ZNF274: variants seen among roughly 807,000 people sequenced by gnomAD.
ZNF274 encodes zinc finger protein 274, also known as neurotrophin receptor-interacting factor homolog.
ZNF274 carries 23 observed loss-of-function variants against 42.5 expected under a neutral mutation model. That is an observed-to-expected ratio of 0.54 (90% CI 0.39 to 0.77). The LOEUF (loss-of-function observed/expected upper bound fraction) is 0.77. ZNF274 is among the 30% of genes least tolerant of loss of function. The pLI is 0.00. For missense variants in ZNF274, 679 were observed against 806.5 expected, an observed-to-expected ratio of 0.84 and a Z score of 1.91; for synonymous variants, 292 against 305.4, an observed-to-expected ratio of 0.96 and a Z score of 0.46.
intron 4 of ZNF274, among the ~76,000 whole-genome samples, chr19:58,193,522 G>A (rs113652986): frequency 2.4e-4 from 33 of 138,432 alleles, no homozygotes; most frequent in African/African-American, 8.2e-4. Context: ...GTGCAATCTC[G>A]GCTCATTGCA....
intron 5 of ZNF274, chr19:58,209,131 C>G (rs535250088): frequency 6.6e-6 from 1 of 152,400 alleles, no homozygotes; most frequent in South Asian, 2.1e-4. Flanking sequence ...TGTCCTGTCC[C>G]TCATTCTTAC....
intron 4 of ZNF274, among the ~76,000 whole-genome samples, chr19:58,192,107 A>G (rs1022020510): frequency 1.9e-4 from 29 of 152,180 alleles, no homozygotes; most frequent in African/African-American, 6.8e-4. Flanking sequence ...CCGTGGACAT[A>G]TAGGATTGGT....
chr19:58,196,723 T>A (rs1218415462), intron 4 of ZNF274, among the ~76,000 whole-genome samples: 1 of 152,184 alleles, frequency 6.6e-6, no homozygotes, highest in Non-Finnish European at 1.5e-5. Context: ...TATAGAGTGA[T>A]CAACAGCATA....
At chr19:58,185,652 T>A (rs562619518) in intron 2 of ZNF274, 60 bp from the exon 3 acceptor site, 22 of 1,379,800 alleles carry the variant, frequency 1.6e-5, no homozygotes, top group African/African-American at 3.0e-5. Flanking sequence ...CAGCCTCCCC[T>A]GTCTTTCTTT....
Position 58,185,737 on chromosome 19 carries a change from C to T in ZNF274, c.59C>T (p.Thr20Ile), listed in dbSNP as rs2075689681. Residue 20 changes from threonine (T) to isoleucine (I), a missense_variant, in exon 3 of 8, where the codon ACA (threonine) becomes ATA (isoleucine). Thr to Ile is a moderately conservative substitution (Grantham distance 89, BLOSUM62 -1). Around this residue, in one of 2 missense-constraint regions of ZNF274, gnomAD observed 223 missense variants for 216.4 expected, o/e 1.03. Transcript: ENST00000617501. ...SCEPVTFEDV[T>I]LGFTPEEWGL... ...GAACCAGTGACCTTTGAAGATGTAA[C>T]ACTGGGTTTTACCCCGGAAGAGTGG... is the stretch of plus-strand genomic sequence containing the variant. The T allele has an allele frequency of 6.8e-7, 1 of 1,466,614 alleles. No homozygotes were observed. Among genetic ancestry groups the T allele is most frequent in the African/African-American group, 1.5e-5 (1 of 68,910 alleles). The allele number at this position is 1,466,614 out of a possible 1,614,324, so 90.9% of individuals were successfully genotyped here.
chr19:58,203,938 G>T (rs1261566441), intron 4 of ZNF274, among the ~76,000 whole-genome samples: 1 of 152,254 alleles, frequency 6.6e-6, no homozygotes. Flanking sequence ...GACGGCCTGG[G>T]CTGCGAGAAG....
At chr19:58,203,913 C>T (rs2075947966) in intron 4 of ZNF274, among the ~76,000 whole-genome samples, 1 of 152,234 alleles carries the variant, frequency 6.6e-6, no homozygotes, top group African/African-American at 2.4e-5. Flanking sequence ...TACAATTGCG[C>T]CACCTCGCTG....
rs1306275946 is a variant in ZNF274, at chr19:58,207,189, G to A, written c.726G>A (p.Met242Ile). Residue 242 changes from methionine (M) to isoleucine (I), a missense_variant, in exon 5 of 8, where the codon ATG (methionine) becomes ATA (isoleucine). Coordinates refer to ENST00000617501, the MANE Select transcript of ZNF274 (RefSeq NM_133502.3). The surrounding 1 kb of genome is among the most constrained non-coding windows in gnomAD (Gnocchi z 5.6). ...CCCTGGTAGAGGGTGTGACCTGGAT[G>A]TCTGAGGAGGAAGGTAAGTAGAAGG... ...VVALVEGVTW[M>I]SEEEVLPAGQ... The A allele has an allele frequency of 1.9e-6, 3 of 1,611,146 alleles. No homozygotes were observed. The highest frequency in any genetic ancestry group is 1.7e-5 in the Admixed American group (1 of 59,732).
chr19:58,194,736 GGTGGCTGAT>G (rs1418086298), intron 4 of ZNF274, among the ~76,000 whole-genome samples: 1 of 139,722 alleles, frequency 7.2e-6, no homozygotes, highest in Non-Finnish European at 1.6e-5. Context: ...GGCCGGGCGC[GGTGGCTGAT>G]GTCTATAATG....
In ZNF274 at chr19:58,212,707, G is replaced by A. The variant is rs1343092318; in HGVS notation, c.1526G>A (p.Cys509Tyr). 6.2e-7 allele frequency: 1 copy of A among 1,614,010 alleles called. No homozygotes were observed. The highest frequency in any genetic ancestry group is 8.5e-7 in the Non-Finnish European group (1 of 1,179,884). Residue 509 changes from cysteine to tyrosine, a missense_variant, in exon 8 of 8, where the codon TGC becomes TAC. Cys to Tyr is a radical substitution (Grantham distance 194). Around this residue, in one of 2 missense-constraint regions of ZNF274, gnomAD observed 456 missense variants for 590.1 expected, o/e 0.77. Transcript: ENST00000617501. The surrounding 1 kb of genome is among the most constrained non-coding windows in gnomAD (Gnocchi z 4.6). ...CACAAGGGGAGCCAAGTTTGCCGAT[G>A]CAGTGAATGTGGTAAAATATTCCGG... ...RIHKGSQVCRCSECGKIFRNP... is the reference protein window; with the variant it reads ...RIHKGSQVCRYSECGKIFRNP...
chr19:58,186,984 A>G lies in ZNF274; in HGVS notation c.198A>G (p.Leu66=), dbSNP rs1348904021. 8 of 1,613,660 alleles carry G rather than the reference A, an allele frequency of 5.0e-6. No homozygotes were observed. In the Admixed American group the frequency reaches 1.3e-4, roughly 27 times the overall value. ...QLSKPDVVSQ[L]EEAEDFWPVE... is the part of the protein sequence containing the mutation. Reference sequence around the variant, plus strand: ...CCAAACCAGATGTGGTATCTCAGTTAGAGGAGGCAGAAGATTTCTGGCCAG... The same window carrying G: ...CCAAACCAGATGTGGTATCTCAGTTGGAGGAGGCAGAAGATTTCTGGCCAG... Residue 66 remains leucine (L), a synonymous_variant, in exon 4 of 8, where the codon TTA becomes TTG. Transcript: ENST00000617501.
At chr19:58,197,969 T>G (rs2146216837) in intron 4 of ZNF274, among the ~76,000 whole-genome samples, 1 of 152,350 alleles carries the variant, frequency 6.6e-6, no homozygotes, top group Non-Finnish European at 1.5e-5. Context: ...GTTCTAGGGC[T>G]TGTACTCAGG....
At chr19:58,185,939 G>T (rs2075692805) in intron 3 of ZNF274, 101 bp downstream of exon 3, 6 of 1,117,110 alleles carry the variant, frequency 5.4e-6, no homozygotes, top group Non-Finnish European at 5.9e-6. Flanking sequence ...AGGGGCACCA[G>T]TAGGAAAAGG....
At chr19:58,199,670 A>G (rs900285422) in intron 4 of ZNF274, among the ~76,000 whole-genome samples, 28 of 152,262 alleles carry the variant, frequency 1.8e-4, no homozygotes, top group African/African-American at 6.5e-4. Context: ...CAGAGATCGC[A>G]CTACTGCAGT....
At chr19:58,209,827 A>G (rs2076019934) in intron 5 of ZNF274, 134 bp from the exon 6 acceptor site, 1 of 600,048 alleles carries the variant, frequency 1.7e-6, no homozygotes, top group African/African-American at 1.9e-5. Context: ...AAGGGAGGAC[A>G]GGAGCAGAGG....
chr19:58,192,995 T>C (rs1955854014), intron 4 of ZNF274, among the ~76,000 whole-genome samples: 1 of 152,190 alleles, frequency 6.6e-6, no homozygotes, highest in Admixed American at 6.5e-5. Context: ...TTTCCCAAAG[T>C]GCTGAGATTA....
chr19:58,212,174 A>G lies in ZNF274; in HGVS notation c.993A>G (p.Thr331=). Residue 331 remains threonine (T), a synonymous_variant, in exon 8 of 8, where the codon ACA becomes ACG. Coordinates refer to ENST00000617501, the MANE Select transcript of ZNF274 (RefSeq NM_133502.3). The surrounding 1 kb of genome is among the most constrained non-coding windows in gnomAD (Gnocchi z 4.6). The stretch of plus-strand genomic sequence containing the variant: ...TATTTTTTTCAGGGTGGGAGACTAC[A>G]CTGGAAAATAAAGAGTTAGCTCCAA... The part of the protein sequence containing the change: ...GHLVSVGWET[T]LENKELAPNS... The G allele has an allele frequency of 1.2e-6, 2 of 1,605,310 alleles. No individual in the cohort carries two copies. The highest frequency in any genetic ancestry group is 1.7e-6 in the Non-Finnish European group (2 of 1,178,824).
chr19:58,184,695 C>T (rs778232137), intron 2 of ZNF274: 1 of 152,204 alleles, frequency 6.6e-6, no homozygotes, highest in Admixed American at 6.6e-5. Context: ...GGATCCCTGA[C>T]AGGTGAAGGA....
At chr19:58,209,092 C>G (rs184094005) in intron 5 of ZNF274, 10 of 152,372 alleles carry the variant, frequency 6.6e-5, no homozygotes, top group Admixed American at 6.5e-4. Flanking sequence ...AGGGCTGGAC[C>G]CAGGAGCTCC....
Sources: gnomAD v4.1 joint callset for allele counts (sites outside exome capture counted in the v4.1 genomes callset) on GRCh38, gnomAD v4.1.1 for gene constraint, gnomAD v4.1.1 regional missense constraint, Gnocchi (gnomAD v3.1) non-coding constraint, MANE v1.5 for transcripts, NCBI Gene and HGNC (gene_info 2026-07-23, HGNC 2026-07-21) for gene names.